BBS9: variants seen among roughly 807,000 people sequenced by gnomAD.
The protein encoded by BBS9 is protein PTHB1.
BBS9 carries 89 observed loss-of-function variants against 117.7 expected under a neutral mutation model. That is an observed-to-expected ratio of 0.76 (90% CI 0.64 to 0.90). BBS9 has a LOEUF of 0.90. BBS9 is among the 40% of genes least tolerant of loss of function. The pLI is 0.00. For missense variants in BBS9, 982 were observed against 1,042.2 expected, an observed-to-expected ratio of 0.94 and a Z score of 0.80; for synonymous variants, 379 against 370.9, an observed-to-expected ratio of 1.02 and a Z score of -0.25.
At chr7:33,450,388 C>T (rs1371557828) in intron 19 of BBS9, among the ~76,000 whole-genome samples, 1 of 152,004 alleles carries the variant, frequency 6.6e-6, no homozygotes, top group Non-Finnish European at 1.5e-5. Context: ...GGATATATAC[C>T]CAGAGGTGGG....
intron 21 of BBS9, among the ~76,000 whole-genome samples, chr7:33,617,866 T>C (rs1014136736): frequency 6.6e-6 from 1 of 151,930 alleles, no homozygotes; most frequent in African/African-American, 2.4e-5. Context: ...AAAGATAAAA[T>C]AATGTAGACA....
chr7:33,478,362 A>G (rs1842073829), intron 19 of BBS9, among the ~76,000 whole-genome samples: 1 of 152,178 alleles, frequency 6.6e-6, no homozygotes, highest in Admixed American at 6.5e-5. Flanking sequence ...TTTTAGGAAC[A>G]TGCCAATATA....
chr7:33,289,994 C>T (rs767114730), intron 9 of BBS9, among the ~76,000 whole-genome samples: 8 of 151,312 alleles, frequency 5.3e-5, no homozygotes, highest in Admixed American at 2.6e-4. Context: ...CGCAGTGAGC[C>T]GAGAGTGCAC....
At chr7:33,564,486 T>C (rs1856559877) in intron 21 of BBS9, among the ~76,000 whole-genome samples, 1 of 152,206 alleles carries the variant, frequency 6.6e-6, no homozygotes, top group Non-Finnish European at 1.5e-5. Context: ...AGTAGTGTTG[T>C]AAGGACTGAT....
intron 9 of BBS9, among the ~76,000 whole-genome samples, chr7:33,294,468 G>A (rs762803111): frequency 6.6e-6 from 1 of 152,060 alleles, no homozygotes; most frequent in African/African-American, 2.4e-5. Context: ...TTGCCAGAGA[G>A]GGCAGGCAGA....
At chr7:33,610,489 G>A (rs1039796743), downstream of BBS9, among the ~76,000 whole-genome samples, 3 of 152,092 alleles carry the variant, frequency 2.0e-5, no homozygotes, top group Non-Finnish European at 4.4e-5. Context: ...TGTTCTTTGC[G>A]TGGCAGAAGA....
At chr7:33,340,616 T>TC (rs1816314067) in intron 10 of BBS9, among the ~76,000 whole-genome samples, 1 of 152,152 alleles carries the variant, frequency 6.6e-6, no homozygotes, top group South Asian at 2.1e-4. Flanking sequence ...AATTTGGGCT[T>TC]CCACTAGTAG....
chr7:33,616,540 T>C (rs2129218930), intron 21 of BBS9, among the ~76,000 whole-genome samples: 1 of 146,208 alleles, frequency 6.8e-6, no homozygotes, highest in Non-Finnish European at 1.5e-5. Flanking sequence ...AATGGAATCA[T>C]ATAAAATACT....
chr7:33,425,772 C>T (rs897115483), intron 19 of BBS9, among the ~76,000 whole-genome samples: 9 of 152,158 alleles, frequency 5.9e-5, no homozygotes, highest in African/African-American at 2.2e-4. Context: ...TTTTGAAATA[C>T]CAAGTGGGCC....
At chr7:33,189,170 G>A (rs937318629) in intron 5 of BBS9, among the ~76,000 whole-genome samples, 7 of 151,940 alleles carry the variant, frequency 4.6e-5, no homozygotes, top group South Asian at 2.1e-4. Flanking sequence ...ACAGATGTGC[G>A]CTACCATGCC....
chr7:33,497,057 C>T (rs1004215929), intron 19 of BBS9, among the ~76,000 whole-genome samples: 2 of 152,174 alleles, frequency 1.3e-5, no homozygotes, highest in Non-Finnish European at 2.9e-5. Context: ...TGTCTGCTTC[C>T]AGTTCTCTCC....
At chr7:33,273,610 A>C (rs1562919229) in intron 8 of BBS9, among the ~76,000 whole-genome samples, 1 of 152,176 alleles carries the variant, frequency 6.6e-6, no homozygotes, top group Non-Finnish European at 1.5e-5. Flanking sequence ...AAATGCAAAA[A>C]TGTTGGTGAT....
intron 9 of BBS9, among the ~76,000 whole-genome samples, chr7:33,332,611 A>G (rs1231873088): frequency 6.6e-6 from 1 of 152,160 alleles, no homozygotes; most frequent in South Asian, 2.1e-4. Context: ...CGGGAGGCAG[A>G]GGTTGCAGTG....
At chr7:33,448,948 T>G (rs2128911799) in intron 19 of BBS9, among the ~76,000 whole-genome samples, 1 of 152,356 alleles carries the variant, frequency 6.6e-6, no homozygotes, top group African/African-American at 2.4e-5. Context: ...CAAGAGTAGG[T>G]ATTATTACCT....
chr7:33,574,875 GT>G (rs1180810343), intron 21 of BBS9, among the ~76,000 whole-genome samples: 2 of 151,964 alleles, frequency 1.3e-5, no homozygotes, highest in Non-Finnish European at 2.9e-5. Flanking sequence ...CCTTTCAGCA[GT>G]TAATTGATTG....
At chr7:33,195,361 T>C (rs539190492) in intron 5 of BBS9, among the ~76,000 whole-genome samples, 2 of 152,312 alleles carry the variant, frequency 1.3e-5, no homozygotes, top group Non-Finnish European at 2.9e-5. Flanking sequence ...TTCTAAGTTT[T>C]ATTTTCCTCT....
chr7:33,594,198 C>G (rs899025561), intron 21 of BBS9, among the ~76,000 whole-genome samples: 3 of 152,152 alleles, frequency 2.0e-5, no homozygotes, highest in African/African-American at 7.2e-5. Context: ...CTTTTATTCA[C>G]ACGCTTTATC....
At chr7:33,131,329 G>A (rs1457982883) in intron 1 of BBS9, among the ~76,000 whole-genome samples, 2 of 152,186 alleles carry the variant, frequency 1.3e-5, no homozygotes, top group Non-Finnish European at 2.9e-5. Context: ...GATACTAGAG[G>A]ATAAGGGACT....
chr7:33,219,500 G>A (rs891223275), intron 5 of BBS9, among the ~76,000 whole-genome samples: 3 of 152,132 alleles, frequency 2.0e-5, no homozygotes, highest in Non-Finnish European at 2.9e-5. Context: ...TACACCAATC[G>A]GCACTCTGTA....
Sources: gnomAD v4.1 joint callset for allele counts (sites outside exome capture counted in the v4.1 genomes callset) on GRCh38, gnomAD v4.1.1 for gene constraint, MANE v1.5 for transcripts, NCBI Gene and HGNC (gene_info 2026-07-23, HGNC 2026-07-21) for gene names.